The following HMGB1 variants were observed in gnomAD, a reference collection of about 807,000 sequenced individuals.
The protein encoded by HMGB1 is high mobility group protein B1.
For synonymous variants in HMGB1, 81 were observed against 84.0 expected, an observed-to-expected ratio of 0.96 and a Z score of 0.19; for missense variants, 79 against 253.5, an observed-to-expected ratio of 0.31 and a Z score of 4.67.
At chr13:30,558,509 A>AT (rs962972289) in intron 1 of HMGB1, among the ~76,000 whole-genome samples, 33 of 150,688 alleles carry the variant, frequency 2.2e-4, no homozygotes, top group East Asian at 9.7e-4. Flanking sequence ...GTAAAAAAAG[A>AT]TTTTTTTTTT....
rs543936134 is a variant in HMGB1 at position 30,589,800 on chromosome 13, G to A, written c.-15+26871C>T. On this transcript the variant is annotated intron_variant, in intron 1 of 4. Transcript: ENST00000405805. The stretch of plus-strand genomic sequence containing the variant: ...CATTAGAGTCACTTGAACCTGGGAG[G>A]CAGAGGTTGCCATGAGCCAAGATTG... Among the ~76,000 whole-genome samples the A allele has an allele frequency of 4.6e-5, 7 of 152,098 alleles. No homozygotes were observed. In the East Asian group the frequency reaches 1.4e-3, roughly 29 times the overall value.
intron 1 of HMGB1, among the ~76,000 whole-genome samples, chr13:30,524,439 G>A (rs1369678214): frequency 1.3e-5 from 2 of 151,942 alleles, no homozygotes; most frequent in African/African-American, 4.8e-5. Context: ...AAGACTTCAG[G>A]AAACTTACAA....
At chr13:30,606,026 C>T (rs903781121) in intron 1 of HMGB1, among the ~76,000 whole-genome samples, 2 of 152,074 alleles carry the variant, frequency 1.3e-5, no homozygotes, top group Non-Finnish European at 2.9e-5. Flanking sequence ...ATTACAATTT[C>T]CCCAATATGT....
At chr13:30,479,230 G>A (rs570259210) in intron 1 of HMGB1, among the ~76,000 whole-genome samples, 5 of 152,088 alleles carry the variant, frequency 3.3e-5, no homozygotes, top group Non-Finnish European at 5.9e-5. Flanking sequence ...ACCTTAGTCC[G>A]AATCTTTGCT....
chr13:30,569,240 G>A (rs1179554263), intron 1 of HMGB1, among the ~76,000 whole-genome samples: 2 of 152,138 alleles, frequency 1.3e-5, no homozygotes, highest in Admixed American at 1.3e-4. Flanking sequence ...AGCAACACAG[G>A]CATGTACCTA....
chr13:30,614,794 T>C (rs1950544883), intron 1 of HMGB1, among the ~76,000 whole-genome samples: 1 of 151,668 alleles, frequency 6.6e-6, no homozygotes, highest in African/African-American at 2.4e-5. Context: ...ACCCCCGGGG[T>C]TCAAGCAATT....
chr13:30,535,690 A>G (rs113285053), intron 1 of HMGB1, among the ~76,000 whole-genome samples: 20,367 of 152,158 alleles, frequency 0.13, 1,920 homozygotes, highest in African/African-American at 0.27. Flanking sequence ...AGGAGTTCGA[A>G]ACCAGCCTGG....
chr13:30,553,127 C>T (rs1328782229), intron 1 of HMGB1, among the ~76,000 whole-genome samples: 1 of 152,158 alleles, frequency 6.6e-6, no homozygotes, highest in Non-Finnish European at 1.5e-5. Context: ...TTAAAAGGTT[C>T]CTCAGAAGCT....
At chr13:30,609,961 T>G (rs570535019) in intron 1 of HMGB1, among the ~76,000 whole-genome samples, 1 of 152,230 alleles carries the variant, frequency 6.6e-6, no homozygotes, top group Non-Finnish European at 1.5e-5. Flanking sequence ...ACGATGTACA[T>G]AAACATTTTC....
At chr13:30,567,963 C>T (rs1870262053) in intron 1 of HMGB1, among the ~76,000 whole-genome samples, 1 of 152,186 alleles carries the variant, frequency 6.6e-6, no homozygotes, top group African/African-American at 2.4e-5. Context: ...AAGACTCGTC[C>T]ATTGGGCAGT....
intron 1 of HMGB1, among the ~76,000 whole-genome samples, chr13:30,583,186 A>T (rs1338691831): frequency 6.6e-6 from 1 of 152,068 alleles, no homozygotes; most frequent in East Asian, 1.9e-4. Context: ...CTTTCTAAGC[A>T]TAAATCTAAT....
intron 1 of HMGB1, among the ~76,000 whole-genome samples, chr13:30,587,767 T>C (rs1871214559): frequency 6.6e-6 from 1 of 152,192 alleles, no homozygotes; most frequent in South Asian, 2.1e-4. Context: ...TATCACCCCA[T>C]CATTATCAAC....
At chr13:30,525,729 A>ACC (rs974841006) in intron 1 of HMGB1, among the ~76,000 whole-genome samples, 17 of 148,332 alleles carry the variant, frequency 1.1e-4, no homozygotes, top group Non-Finnish European at 1.8e-4. Context: ...AAAAAAAAAA[A>ACC]CCATCAGGTC....
intron 1 of HMGB1, among the ~76,000 whole-genome samples, chr13:30,602,591 G>A (rs1184993011): frequency 6.6e-6 from 1 of 152,136 alleles, no homozygotes; most frequent in East Asian, 1.9e-4. Context: ...TTTTTATAAT[G>A]CATAAAAATT....
At chr13:30,616,514 AAAC>A (rs1488205007) in intron 1 of HMGB1, among the ~76,000 whole-genome samples, 1 of 152,248 alleles carries the variant, frequency 6.6e-6, no homozygotes, top group Non-Finnish European at 1.5e-5. Flanking sequence ...GTGAACAAGA[AAAC>A]AACCCTCTGA....
At chr13:30,568,601 T>C (rs780773761) in intron 1 of HMGB1, among the ~76,000 whole-genome samples, 3 of 152,110 alleles carry the variant, frequency 2.0e-5, no homozygotes, top group Non-Finnish European at 4.4e-5. Context: ...TCCAATGACA[T>C]TTGTCCTTAC....
chr13:30,519,268 C>G (rs575873929), intron 1 of HMGB1, among the ~76,000 whole-genome samples: 1 of 151,688 alleles, frequency 6.6e-6, no homozygotes. Flanking sequence ...TGGCACACAT[C>G]TGTAGTCCCA....
rs35075993 is a variant in HMGB1, at chr13:30,476,865, C to CAA, written c.-14-13173_-14-13172dup. On this transcript the variant is annotated intron_variant, in intron 1 of 4. Transcript: ENST00000405805. Reference sequence around the variant, plus strand: ...TGGGCAAAAGAGCGAGATTCTGTCTCAAAAAAAAAAAAAAAAGATTTTGTT... The same window carrying CAA: ...TGGGCAAAAGAGCGAGATTCTGTCTCAAAAAAAAAAAAAAAAAAGATTTTGTT... Among the ~76,000 whole-genome samples, 340 of 135,380 alleles carry CAA rather than the reference C, an allele frequency of 2.5e-3. 4 individuals are homozygous for CAA. The highest frequency in any genetic ancestry group is 0.019 in the Middle Eastern group (5 of 264). 88.8% of individuals were successfully genotyped at this position (135,380 alleles called of 152,430 possible).
chr13:30,560,630 C>T (rs370432167), intron 1 of HMGB1, among the ~76,000 whole-genome samples: 18 of 152,184 alleles, frequency 1.2e-4, no homozygotes, highest in African/African-American at 3.6e-4. Flanking sequence ...TTAAAACGCA[C>T]GCCTCAAGAT....
Sources: allele counts gnomAD v4.1 joint callset (sites outside exome capture counted in the v4.1 genomes callset), GRCh38; gene constraint gnomAD v4.1.1; transcripts MANE v1.5; gene names NCBI Gene and HGNC (gene_info 2026-07-23, HGNC 2026-07-21).